The following MAP2 variants were observed in gnomAD, a reference collection of about 807,000 sequenced individuals.
The protein encoded by MAP2 is microtubule associated protein 2.
MAP2 carries 14 observed loss-of-function variants against 137.6 expected under a neutral mutation model. That is an observed-to-expected ratio of 0.10 (90% CI 0.07 to 0.16). The LOEUF (loss-of-function observed/expected upper bound fraction) is 0.16, where lower values mean the gene tolerates loss of function less well. MAP2 is among the 10% of genes least tolerant of loss of function. The probability of loss-of-function intolerance (pLI) is 1.00; values close to 1 mark genes in which losing one functional copy is unlikely to be tolerated. For missense variants in MAP2, 2,088 were observed against 2,191.5 expected, an observed-to-expected ratio of 0.95 and a Z score of 0.94; for synonymous variants, 786 against 782.3, an observed-to-expected ratio of 1.00 and a Z score of -0.08.
chr2:209,716,272 G>C (rs940434320), intron 13 of MAP2, among the ~76,000 whole-genome samples: 1 of 152,186 alleles, frequency 6.6e-6, no homozygotes, highest in African/African-American at 2.4e-5. Flanking sequence ...CCCATACATA[G>C]TAGGTGCTCA....
At chr2:209,708,303 CT>C (rs1245091750) in intron 12 of MAP2, among the ~76,000 whole-genome samples, 1 of 152,148 alleles carries the variant, frequency 6.6e-6, no homozygotes, top group Non-Finnish European at 1.5e-5. Flanking sequence ...AGAACACATG[CT>C]AATTTCTCAC....
intron 3 of MAP2, among the ~76,000 whole-genome samples, chr2:209,588,787 T>A (rs1290470550): frequency 3.3e-5 from 5 of 151,972 alleles, no homozygotes; most frequent in Non-Finnish European, 7.4e-5. Flanking sequence ...TTTCAGAGTC[T>A]TAAAAAAAAA....
chr2:209,569,258 T>G (rs1387111140), intron 2 of MAP2, among the ~76,000 whole-genome samples: 2 of 151,854 alleles, frequency 1.3e-5, no homozygotes, highest in African/African-American at 4.8e-5. Flanking sequence ...CTTTTAGCCC[T>G]AAGACTTTTA....
intron 5 of MAP2, among the ~76,000 whole-genome samples, chr2:209,663,392 T>C (rs997776519): frequency 2.6e-5 from 4 of 152,130 alleles, no homozygotes; most frequent in Non-Finnish European, 5.9e-5. Context: ...CTAAACCGTG[T>C]CCTGCCGGCT....
chr2:209,569,563 A>AC (rs1186820524), intron 2 of MAP2, among the ~76,000 whole-genome samples: 1 of 151,860 alleles, frequency 6.6e-6, no homozygotes, highest in Admixed American at 6.6e-5. Context: ...AGTAGGAATT[A>AC]CAGATTGCAG....
chr2:209,464,921 C>T (rs879769358), intron 1 of MAP2, among the ~76,000 whole-genome samples: 2 of 152,060 alleles, frequency 1.3e-5, no homozygotes, highest in Admixed American at 1.3e-4. Flanking sequence ...TGTATACTCA[C>T]ACATCCAGAT....
At chr2:209,609,328 A>G (rs1342705024) in intron 3 of MAP2, among the ~76,000 whole-genome samples, 2 of 152,174 alleles carry the variant, frequency 1.3e-5, no homozygotes, top group Non-Finnish European at 2.9e-5. Context: ...TTTGTTTGAA[A>G]ATAATAGCTA....
intron 2 of MAP2, among the ~76,000 whole-genome samples, chr2:209,548,679 T>C (rs778750162): frequency 2.6e-5 from 4 of 152,176 alleles, no homozygotes; most frequent in African/African-American, 4.8e-5. Context: ...CCATGTGTTA[T>C]GGGAGAGACC....
chr2:209,690,732 C>T (rs756087805), intron 7 of MAP2: 33 of 1,289,650 alleles, frequency 2.6e-5, no homozygotes, highest in East Asian at 5.5e-5. Flanking sequence ...GAGTCTAGTG[C>T]GGAGGCCCAA....
intron 13 of MAP2, chr2:209,723,665 A>G (rs2072428443): frequency 1.9e-6 from 3 of 1,614,010 alleles, no homozygotes; most frequent in South Asian, 1.1e-5. Context: ...GATAACATCA[A>G]ACATTCGGCT....
At chr2:209,721,441 G>T (rs768697084) in intron 13 of MAP2, among the ~76,000 whole-genome samples, 12 of 152,196 alleles carry the variant, frequency 7.9e-5, no homozygotes, top group Non-Finnish European at 1.5e-4. Flanking sequence ...GGTGGAGAAA[G>T]TCTACCTGCA....
intron 5 of MAP2, chr2:209,661,461 C>G (rs1471252558): frequency 1.0e-6 from 1 of 971,370 alleles, no homozygotes; most frequent in Non-Finnish European, 1.2e-6. Context: ...TCCCTGAGCT[C>G]CGCAGAGAGA....
At chr2:209,579,745 C>T (rs2075976471) in intron 2 of MAP2, 1 of 152,196 alleles carries the variant, frequency 6.6e-6, no homozygotes, top group African/African-American at 2.4e-5. Context: ...GGTATTGCTG[C>T]ATATGCGCTG....
chr2:209,723,298 T>C (rs1014664326), intron 13 of MAP2, among the ~76,000 whole-genome samples: 4 of 152,166 alleles, frequency 2.6e-5, no homozygotes, highest in Non-Finnish European at 5.9e-5. Flanking sequence ...ATTGGTAGCC[T>C]CCCCATCACA....
chr2:209,727,576 A>C lies in MAP2; in HGVS notation c.5155+1786A>C, dbSNP rs138232497. Among the ~76,000 whole-genome samples the C allele has an allele frequency of 1.6e-3, 246 of 152,376 alleles. 1 individual carries two copies. Among genetic ancestry groups the C allele is most frequent in the Non-Finnish European group, 2.7e-3 (184 of 68,032 alleles). On this transcript the variant is annotated intron_variant, in intron 14 of 15. Coordinates refer to ENST00000682079, the MANE Select transcript of MAP2 (RefSeq NM_001375505.1). Reference sequence around the variant, plus strand: ...GAATCAAATGACTAAATTCATAAAGAAGTGTAAGCATAATAATCCTTGACA... The same window carrying C: ...GAATCAAATGACTAAATTCATAAAGCAGTGTAAGCATAATAATCCTTGACA...
intron 10 of MAP2, among the ~76,000 whole-genome samples, chr2:209,699,115 T>C (rs2061058656): frequency 6.6e-6 from 1 of 152,178 alleles, no homozygotes; most frequent in African/African-American, 2.4e-5. Flanking sequence ...TGTCATTGGT[T>C]TGAAGCAAGC....
rs749183996 is a variant in MAP2, at chr2:209,540,630, CAAAAAA to C, written c.-172+33016_-172+33021del. Among the ~76,000 whole-genome samples the C allele has an allele frequency of 4.5e-3, 123 of 27,580 alleles. 1 individual carries two copies. Among genetic ancestry groups the C allele is most frequent in the African/African-American group, 0.01 (74 of 7,400 alleles). 18.1% of individuals were successfully genotyped at this position (27,580 alleles called of 152,430 possible). Reference sequence around the variant, plus strand: ...TGCGTGACTGAGTGAGACTCCGTCTCAAAAAAAAAAAAAAAAAAAAAAAAAAAAAAA... The same window carrying C: ...TGCGTGACTGAGTGAGACTCCGTCTCAAAAAAAAAAAAAAAAAAAAAAAAA... On this transcript the variant is annotated intron_variant, in intron 2 of 15. Coordinates refer to ENST00000682079, the MANE Select transcript of MAP2 (RefSeq NM_001375505.1).
At chr2:209,554,541 A>T (rs1390553384) in intron 2 of MAP2, among the ~76,000 whole-genome samples, 2 of 152,082 alleles carry the variant, frequency 1.3e-5, no homozygotes, top group East Asian at 3.9e-4. Context: ...TAATCCTAGT[A>T]CTTTGGGAGG....
chr2:209,694,073 G>A lies in MAP2; in HGVS notation c.1903G>A (p.Ala635Thr). 2 of 1,613,190 alleles carry A rather than the reference G, an allele frequency of 1.2e-6. No individual in the cohort carries two copies. The highest frequency in any genetic ancestry group is 1.7e-6 in the Non-Finnish European group (2 of 1,179,728). ...CCAGCCCAGTCCTCCAGCACAAGAA[G>A]CAGGGTACAGCACTCTCGCACAGAG... is the stretch of plus-strand genomic sequence containing the variant. The part of the protein sequence containing the change: ...ESQPSPPAQE[A>T]GYSTLAQSYP... The change falls in exon 8 of 16, where the codon GCA becomes ACA. Residue 635 changes from alanine to threonine, a missense_variant. This residue lies in a region of MAP2 where 859 missense variants were observed against 794.5 expected (regional missense o/e 1.08). Coordinates refer to ENST00000682079, the MANE Select transcript of MAP2 (RefSeq NM_001375505.1).
Sources: allele counts gnomAD v4.1 joint callset (sites outside exome capture counted in the v4.1 genomes callset), GRCh38; gene constraint gnomAD v4.1.1; regional missense constraint gnomAD v4.1.1; transcripts MANE v1.5; gene names NCBI Gene and HGNC (gene_info 2026-07-23, HGNC 2026-07-21).